The following LRP1B variants were observed in gnomAD, a reference collection of about 807,000 sequenced individuals.
The protein encoded by LRP1B is low-density lipoprotein receptor-related protein 1B.
LRP1B carries 217 observed loss-of-function variants against 556.6 expected under a neutral mutation model. That is an observed-to-expected ratio of 0.39 (90% CI 0.35 to 0.44). The LOEUF (loss-of-function observed/expected upper bound fraction) is 0.44. Ranked by LOEUF, LRP1B falls within the 20% of genes least tolerant of loss-of-function variation. LRP1B has a pLI of 1.00. For synonymous variants in LRP1B, 2,047 were observed against 1,865.8 expected (o/e 1.10, Z -2.50); for missense variants, 5,053 against 5,620.8 (o/e 0.90, Z 3.23).
chr2:140,287,512 C>G (rs1003786291), intron 84 of LRP1B, among the ~76,000 whole-genome samples: 3 of 151,688 alleles, frequency 2.0e-5, no homozygotes, highest in African/African-American at 7.3e-5. Flanking sequence ...GGAAAGGTTG[C>G]TCTGAGATCA....
At chr2:140,496,149 A>C (rs1479872295) in intron 55 of LRP1B, among the ~76,000 whole-genome samples, 1 of 152,138 alleles carries the variant, frequency 6.6e-6, no homozygotes, top group Non-Finnish European at 1.5e-5. Context: ...AATTTTTAAC[A>C]TTGTCACATA....
chr2:141,354,734 A>G (rs1688563612), intron 3 of LRP1B, among the ~76,000 whole-genome samples: 1 of 152,086 alleles, frequency 6.6e-6, no homozygotes, highest in Admixed American at 6.6e-5. Flanking sequence ...AACTCAGTAG[A>G]AACAGCTTCT....
intron 2 of LRP1B, among the ~76,000 whole-genome samples, chr2:141,502,943 A>G (rs1435963884): frequency 6.6e-6 from 1 of 150,934 alleles, no homozygotes; most frequent in Non-Finnish European, 1.5e-5. Flanking sequence ...TTGTAATTAT[A>G]TTCAAGTTAA....
chr2:141,281,230 T>C (rs917178107), intron 3 of LRP1B, among the ~76,000 whole-genome samples: 1 of 152,042 alleles, frequency 6.6e-6, no homozygotes, highest in Non-Finnish European at 1.5e-5. Context: ...TGGATTGAAA[T>C]AATGCAGCTG....
intron 1 of LRP1B, among the ~76,000 whole-genome samples, chr2:141,979,728 T>C (rs565109611): frequency 6.6e-6 from 1 of 152,190 alleles, no homozygotes; most frequent in East Asian, 1.9e-4. Flanking sequence ...ATTTAAATTA[T>C]TTTTTCAGGC....
At chr2:140,389,723 T>TTA (rs898589543) in intron 66 of LRP1B, among the ~76,000 whole-genome samples, 4 of 147,756 alleles carry the variant, frequency 2.7e-5, no homozygotes, top group African/African-American at 7.4e-5. Flanking sequence ...ATATATATAG[T>TTA]TATATATATG....
chr2:141,649,809 A>C (rs1360429503), intron 2 of LRP1B, among the ~76,000 whole-genome samples: 1 of 152,222 alleles, frequency 6.6e-6, no homozygotes, highest in Non-Finnish European at 1.5e-5. Context: ...ATTTAACCTG[A>C]ATTGAAGAAC....
At chr2:140,928,092 G>A in intron 20 of LRP1B, among the ~76,000 whole-genome samples, 1 of 151,912 alleles carries the variant, frequency 6.6e-6, no homozygotes, top group East Asian at 1.9e-4. Context: ...ATAAGACAGA[G>A]ACTTATTCTC....
intron 2 of LRP1B, among the ~76,000 whole-genome samples, chr2:141,772,488 A>C (rs1162756054): frequency 6.6e-6 from 1 of 152,152 alleles, no homozygotes; most frequent in Non-Finnish European, 1.5e-5. Context: ...ATTTGTTAAA[A>C]ATGCAAATTC....
chr2:140,861,325 T>C (rs1692790818), intron 27 of LRP1B, among the ~76,000 whole-genome samples: 1 of 152,164 alleles, frequency 6.6e-6, no homozygotes, highest in Admixed American at 6.5e-5. Flanking sequence ...GAGAATCGCT[T>C]GAACCTGGGA....
At chr2:140,973,060 A>ATG (rs1247763104) in intron 18 of LRP1B, among the ~76,000 whole-genome samples, 1 of 132,702 alleles carries the variant, frequency 7.5e-6, no homozygotes, top group Non-Finnish European at 1.6e-5. Context: ...TTTTATATAT[A>ATG]TATATATATA....
At chr2:140,583,320 G>A (rs1382459193) in intron 43 of LRP1B, among the ~76,000 whole-genome samples, 5 of 151,420 alleles carry the variant, frequency 3.3e-5, no homozygotes, top group Non-Finnish European at 5.9e-5. Context: ...GATTACAGGC[G>A]AGCACCACCA....
At chr2:140,690,903 A>T (rs1254037003) in intron 41 of LRP1B, among the ~76,000 whole-genome samples, 1 of 152,144 alleles carries the variant, frequency 6.6e-6, no homozygotes, top group African/African-American at 2.4e-5. Flanking sequence ...CTTAAAATTG[A>T]TTTAGCTAAT....
At chr2:141,683,323 C>A in intron 2 of LRP1B, among the ~76,000 whole-genome samples, 1 of 152,046 alleles carries the variant, frequency 6.6e-6, no homozygotes, top group Non-Finnish European at 1.5e-5. Flanking sequence ...AGAGGGCTTA[C>A]AAGAAACTGA....
chr2:140,603,054 C>T (rs62173479), intron 41 of LRP1B, among the ~76,000 whole-genome samples: 11,293 of 152,012 alleles, frequency 0.074, 610 homozygotes, highest in East Asian at 0.2. Flanking sequence ...ATGGTTACTA[C>T]TTAACCTCAA....
Position 140,232,559 on chromosome 2 carries a change from TGTA to T in LRP1B, c.*624_*626del, listed in dbSNP as rs1369693077. On this transcript the variant is annotated 3_prime_UTR_variant, in exon 91 of 91. Coordinates refer to ENST00000389484, the MANE Select transcript of LRP1B (RefSeq NM_018557.3). ...ATAGAGTCCACTAAGTTTTGGAAAA[TGTA>T]GTCATCTGTGTTCATGCAAATTATT... 1 of 151,714 alleles carries T rather than the reference TGTA, an allele frequency of 6.6e-6. No homozygotes were observed. The highest frequency in any genetic ancestry group is 1.5e-5 in the Non-Finnish European group (1 of 67,556). The allele number at this position is 151,714 out of a possible 1,614,324, so 9.4% of individuals were successfully genotyped here. A position where few individuals can be genotyped will look rare whatever the true frequency, so the allele number is the denominator to read the frequency against.
chr2:141,686,252 T>C (rs1319891853), intron 2 of LRP1B, among the ~76,000 whole-genome samples: 1 of 152,044 alleles, frequency 6.6e-6, no homozygotes, highest in Non-Finnish European at 1.5e-5. Flanking sequence ...TATAACTTAC[T>C]TTCATTGATA....
intron 7 of LRP1B, among the ~76,000 whole-genome samples, chr2:141,079,689 A>AT (rs1699877607): frequency 2.0e-5 from 3 of 152,316 alleles, no homozygotes; most frequent in Admixed American, 2.0e-4. Context: ...CTGTATACAA[A>AT]TTTTCATAAT....
At chr2:140,894,233 A>T (rs1045997635) in intron 23 of LRP1B, among the ~76,000 whole-genome samples, 2 of 152,018 alleles carry the variant, frequency 1.3e-5, no homozygotes, top group African/African-American at 4.8e-5. Flanking sequence ...ATCTTCCTGG[A>T]TCTGGATTTT....
Sources: gnomAD v4.1 joint callset for allele counts (sites outside exome capture counted in the v4.1 genomes callset) on GRCh38, gnomAD v4.1.1 for gene constraint, MANE v1.5 for transcripts, NCBI Gene and HGNC (gene_info 2026-07-23, HGNC 2026-07-21) for gene names.